ZNF268: variants seen among roughly 807,000 people sequenced by gnomAD.
ZNF268 encodes the protein zinc finger protein 268.
In ZNF268, 20 loss-of-function variants were observed where a neutral mutation model predicts 29.3. The observed-to-expected ratio is 0.68, with a 90% CI of 0.48 to 0.99. ZNF268 has a LOEUF of 0.99. Ranked by LOEUF, ZNF268 falls within the 50% of genes least tolerant of loss-of-function variation. The probability of loss-of-function intolerance (pLI) is 0.00; values close to 1 mark genes in which losing one functional copy is unlikely to be tolerated. For synonymous variants in ZNF268, 429 were observed against 376.9 expected (o/e 1.14, Z -1.60); for missense variants, 1,240 against 1,121.6 (o/e 1.11, Z -1.51).
chr12:133,197,222 G>A (rs1038548549), intron 5 of ZNF268, among the ~76,000 whole-genome samples: 13 of 121,900 alleles, frequency 1.1e-4, no homozygotes, highest in Admixed American at 5.5e-4. Flanking sequence ...AAAGTGTGAT[G>A]TTCCCCTTCC....
intron 2 of ZNF268, 88 bp downstream of exon 2, chr12:133,182,118 G>A: frequency 7.2e-7 from 1 of 1,380,586 alleles, no homozygotes; most frequent in Non-Finnish European, 9.9e-7. Flanking sequence ...GAATTTGCCA[G>A]GAGCTTTCTC....
chr12:133,203,562 A>G lies in ZNF268; in HGVS notation c.1876A>G (p.Asn626Asp), dbSNP rs374080742. The change falls in exon 6 of 6, where the codon AAC becomes GAC. Residue 626 changes from asparagine (N) to aspartate (D), a missense_variant. Transcript: ENST00000536435. Reference sequence around the variant, plus strand: ...TCAGAAAGCCTTTAATACAAAGTCAAACCTGATTGTACATCAGAGAACTCA... The same window carrying G: ...TCAGAAAGCCTTTAATACAAAGTCAGACCTGATTGTACATCAGAGAACTCA... ...ECQKAFNTKS[N>D]LIVHQRTHTG... 7 of 1,560,692 alleles carry G rather than the reference A, an allele frequency of 4.5e-6. No homozygotes were observed. Among genetic ancestry groups the G allele is most frequent in the African/African-American group, 2.7e-5 (2 of 73,390 alleles).
chr12:133,202,932 T>A lies in ZNF268; in HGVS notation c.1246T>A (p.Tyr416Asn), dbSNP rs371484741. ...AAGAATTCATACAGGAGAGAAACCATATGAATGCAATGAATGTCAGAAAGC... is the reference window on the plus strand; with the variant it reads ...AAGAATTCATACAGGAGAGAAACCAAATGAATGCAATGAATGTCAGAAAGC... Reference protein sequence around the residue: ...HERIHTGEKPYECNECQKAFN... With the variant: ...HERIHTGEKPNECNECQKAFN... The change falls in exon 6 of 6, where the codon TAT (tyrosine) becomes AAT (asparagine). Residue 416 changes from tyrosine (Y) to asparagine (N), a missense_variant. Transcript: ENST00000536435. 242 of 1,545,380 alleles carry A rather than the reference T, an allele frequency of 1.6e-4. 1 individual carries two copies. The highest frequency in any genetic ancestry group is 2.4e-5 in the Non-Finnish European group (28 of 1,149,712).
In ZNF268 at chr12:133,203,604, T is replaced by G. The variant is rs1190504617; in HGVS notation, c.1918T>G (p.Tyr640Asp). The G allele has an allele frequency of 6.4e-7, 1 of 1,569,882 alleles. No individual in the cohort carries two copies. ...HQRTHTGEKP[Y>D]SCNECGKAFT... The stretch of plus-strand genomic sequence containing the variant: ...GAGAACTCATACAGGAGAGAAACCC[T>G]ATAGTTGTAATGAATGTGGAAAAGC... The change falls in exon 6 of 6, where the codon TAT (tyrosine) becomes GAT (aspartate). Residue 640 changes from tyrosine (Y) to aspartate (D), a missense_variant. By Grantham distance (160) the Tyr-to-Asp change is radical. Coordinates refer to ENST00000536435, the MANE Select transcript of ZNF268 (RefSeq NM_003415.3).
chr12:133,188,692 A>G lies in ZNF268; in HGVS notation c.234+620A>G, dbSNP rs189215633. ...TGTTCGGGAAGCTTGTTAGAAATGCAGAATATCAGAGTTCACCTCAATGCT... is the reference window on the plus strand; with the variant it reads ...TGTTCGGGAAGCTTGTTAGAAATGCGGAATATCAGAGTTCACCTCAATGCT... On this transcript the variant is annotated intron_variant, in intron 3 of 5. Coordinates refer to ENST00000536435, the MANE Select transcript of ZNF268 (RefSeq NM_003415.3). 2.8e-5 allele frequency among the ~76,000 whole-genome samples: 4 copies of G among 142,078 alleles called. No homozygotes were observed. In the East Asian group the frequency reaches 7.8e-4, roughly 28 times the overall value. 93.2% of individuals were successfully genotyped at this position (142,078 alleles called of 152,430 possible).
intron 2 of ZNF268, 38 bp downstream of exon 2, chr12:133,182,068 C>T: frequency 1.9e-6 from 3 of 1,550,842 alleles, no homozygotes; most frequent in Non-Finnish European, 2.6e-6. Context: ...AAAAGCTCTC[C>T]CTGAATGCCA....
chr12:133,202,294 G>A lies in ZNF268; in HGVS notation c.608G>A (p.Cys203Tyr), dbSNP rs1459271530. ...CTTTCAAGACAAAAACCTCATAAAT[G>A]TGGCACGCATGGAAAGAGTTTGAAA... ...KYLSRQKPHK[C>Y]GTHGKSLKYI... The change falls in exon 6 of 6, where the codon TGT becomes TAT. Residue 203 changes from cysteine to tyrosine, a missense_variant. Coordinates refer to ENST00000536435, the MANE Select transcript of ZNF268 (RefSeq NM_003415.3). 26 of 1,612,500 alleles carry A rather than the reference G, an allele frequency of 1.6e-5. No homozygotes were observed. Among genetic ancestry groups the A allele is most frequent in the Non-Finnish European group, 2.2e-5 (26 of 1,179,266 alleles).
chr12:133,201,427 A>G (rs1452935371), intron 5 of ZNF268, among the ~76,000 whole-genome samples: 1 of 152,088 alleles, frequency 6.6e-6, no homozygotes, highest in Non-Finnish European at 1.5e-5. Flanking sequence ...GGGTGATACA[A>G]ACATTGAGAC....
chr12:133,197,931 T>C (rs1345500055), intron 5 of ZNF268, among the ~76,000 whole-genome samples: 1 of 152,204 alleles, frequency 6.6e-6, no homozygotes, highest in Non-Finnish European at 1.5e-5. Flanking sequence ...ATTCTGGATA[T>C]TAGCCCTTTG....
Position 133,203,814 on chromosome 12 carries a change from T to C in ZNF268, c.2128T>C (p.Tyr710His), listed in dbSNP as rs778328447. 1.5e-5 allele frequency: 24 copies of C among 1,561,400 alleles called. No homozygotes were observed. The highest frequency in any genetic ancestry group is 2.0e-5 in the Non-Finnish European group (23 of 1,160,050). Residue 710 changes from tyrosine to histidine, a missense_variant, in exon 6 of 6, where the codon TAC becomes CAC. Around this residue, in one of 3 missense-constraint regions of ZNF268, gnomAD observed 1,177 missense variants for 1,039.6 expected, o/e 1.13. Coordinates refer to ENST00000536435, the MANE Select transcript of ZNF268 (RefSeq NM_003415.3). ...TGGGAAAGCCTTCAGGAGCAAGTCATACCTTATTATACATATGAGAACTCA... is the reference window on the plus strand; with the variant it reads ...TGGGAAAGCCTTCAGGAGCAAGTCACACCTTATTATACATATGAGAACTCA... ...ECGKAFRSKS[Y>H]LIIHMRTHTG...
rs1593945009 is a variant in ZNF268, at chr12:133,210,714, C to T, written c.*6184C>T. On this transcript the variant is annotated 3_prime_UTR_variant, in exon 6 of 6. Transcript: ENST00000536435. ...GTGGATTCCCCCCTGCCAAGGGTCC[C>T]CAGGTCAGTCCTGAGGAGAAGGCAG... 1 of 401,988 alleles carries T rather than the reference C, an allele frequency of 2.5e-6. No individual in the cohort carries two copies. Among genetic ancestry groups the T allele is most frequent in the South Asian group, 1.7e-5 (1 of 57,510 alleles). 24.9% of individuals were successfully genotyped at this position (401,988 alleles called of 1,614,324 possible). A position where few individuals can be genotyped will look rare whatever the true frequency, so the allele number is the denominator to read the frequency against.
Position 133,207,339 on chromosome 12 carries a change from AAATCCATATTT to A in ZNF268, c.*2810_*2820del. 1 of 151,700 alleles carries A rather than the reference AAATCCATATTT, an allele frequency of 6.6e-6. No homozygotes were observed. The highest frequency in any genetic ancestry group is 2.1e-4 in the South Asian group (1 of 4,802). The allele number at this position is 151,700 out of a possible 1,614,324, so 9.4% of individuals were successfully genotyped here. On this transcript the variant is annotated 3_prime_UTR_variant, in exon 6 of 6. Coordinates refer to ENST00000536435, the MANE Select transcript of ZNF268 (RefSeq NM_003415.3). The stretch of plus-strand genomic sequence containing the variant: ...TCCATATTTGTGAACATAGGTTTAA[AAATCCATATTT>A]GTGAACATAGGTTTAAAAATTCTAA...
chr12:133,198,508 G>T (rs1956669946), intron 5 of ZNF268, among the ~76,000 whole-genome samples: 1 of 151,632 alleles, frequency 6.6e-6, no homozygotes, highest in Admixed American at 6.6e-5. Flanking sequence ...GGATTGACTT[G>T]GCGATGCGGG....
intron 3 of ZNF268, among the ~76,000 whole-genome samples, chr12:133,190,349 T>C (rs1203636055): frequency 6.6e-6 from 1 of 152,320 alleles, no homozygotes; most frequent in Admixed American, 6.5e-5. Flanking sequence ...ATGGTAAGAC[T>C]GTTTAGATTT....
rs549454911 is a variant in ZNF268 at position 133,190,516 on chromosome 12, T to C, written c.235-973T>C. ...TAATAGGTGTGTAGTGGTGTCTTAC[T>C]TTTGTCTGGATTTGCAATTCCCTAA... On this transcript the variant is annotated intron_variant, in intron 3 of 5. Transcript: ENST00000536435. Among the ~76,000 whole-genome samples, 6 of 152,346 alleles carry C rather than the reference T, an allele frequency of 3.9e-5. No individual in the cohort carries two copies. In the East Asian group the frequency reaches 1.2e-3, roughly 29 times the overall value.
At chr12:133,195,635 A>G (rs1463116365) in intron 5 of ZNF268, among the ~76,000 whole-genome samples, 2 of 152,110 alleles carry the variant, frequency 1.3e-5, no homozygotes, top group Non-Finnish European at 1.5e-5. Context: ...TGAGTCTGGG[A>G]GGTTGAAGAT....
Position 133,207,213 on chromosome 12 carries a change from C to G in ZNF268, c.*2683C>G, listed in dbSNP as rs1392756377. ...CAGGAATAGTTATTATAAGGAAAAT[C>G]CAAGGAAAAATAACCCCAATATTTT... On this transcript the variant is annotated 3_prime_UTR_variant, in exon 6 of 6. Transcript: ENST00000536435. The G allele has an allele frequency of 6.6e-6, 1 of 151,984 alleles. No individual in the cohort carries two copies. Among genetic ancestry groups the G allele is most frequent in the Non-Finnish European group, 1.5e-5 (1 of 67,994 alleles). 9.4% of individuals were successfully genotyped at this position (151,984 alleles called of 1,614,324 possible).
In ZNF268 at chr12:133,204,461, T is replaced by C. The variant is rs374253863; in HGVS notation, c.2775T>C (p.Cys925=). 527 of 1,554,050 alleles carry C rather than the reference T, an allele frequency of 3.4e-4. No individual in the cohort carries two copies. Among genetic ancestry groups the C allele is most frequent in the Non-Finnish European group, 4.2e-4 (490 of 1,155,458 alleles). The stretch of plus-strand genomic sequence containing the variant: ...AGAAGCCTTGTAAGTGCACTGAATG[T>C]GGGAAAGCCTTTTGTTGGAAGTCAC... The part of the protein sequence containing the change: ...TGEKPCKCTE[C]GKAFCWKSQL... The change falls in exon 6 of 6, where the codon TGT becomes TGC. Residue 925 remains cysteine, a synonymous_variant. Coordinates refer to ENST00000536435, the MANE Select transcript of ZNF268 (RefSeq NM_003415.3).
In ZNF268 at chr12:133,207,918, G is replaced by A. The variant is rs1230696617; in HGVS notation, c.*3388G>A. On this transcript the variant is annotated 3_prime_UTR_variant, in exon 6 of 6. Transcript: ENST00000536435. ...GTATATGCTGATAAATCACTTGATG[G>A]AATTTAACACCCATAGATGACACTA... is the stretch of plus-strand genomic sequence containing the variant. The A allele has an allele frequency of 6.6e-6, 1 of 152,124 alleles. No homozygotes were observed. The highest frequency in any genetic ancestry group is 2.1e-4 in the South Asian group (1 of 4,830). The allele number at this position is 152,124 out of a possible 1,614,324, so 9.4% of individuals were successfully genotyped here.
Sources: allele counts gnomAD v4.1 joint callset (sites outside exome capture counted in the v4.1 genomes callset), GRCh38; gene constraint gnomAD v4.1.1; regional missense constraint gnomAD v4.1.1; transcripts MANE v1.5; gene names NCBI Gene and HGNC (gene_info 2026-07-23, HGNC 2026-07-21).